MKNK2: variants seen among roughly 807,000 people sequenced by gnomAD.
MKNK2 encodes the protein MAPK interacting serine/threonine kinase 2.
In MKNK2, 54 loss-of-function variants were observed where a neutral mutation model predicts 55.0. The observed-to-expected ratio is 0.98, with a 90% CI of 0.79 to 1.23. The LOEUF (loss-of-function observed/expected upper bound fraction) is 1.23. Ranked by LOEUF, MKNK2 falls within the 50% of genes most tolerant of loss-of-function variation. The pLI, the probability that MKNK2 is intolerant of heterozygous loss-of-function variation, is 0.00. For missense variants in MKNK2, 685 were observed against 632.1 expected (o/e 1.08, Z -0.90); for synonymous variants, 323 against 256.0 (o/e 1.26, Z -2.50).
chr19:2,037,716 G>C lies in MKNK2; in HGVS notation c.*1897C>G. The C allele has an allele frequency of 6.5e-7, 1 of 1,538,408 alleles. No individual in the cohort carries two copies. Among genetic ancestry groups the C allele is most frequent in the Non-Finnish European group, 8.8e-7 (1 of 1,131,752 alleles). On this transcript the variant is annotated 3_prime_UTR_variant, in exon 14 of 14. Coordinates refer to ENST00000250896, the MANE Select transcript of MKNK2 (RefSeq NM_199054.3). ...TCCCCCAGCGATGGGAGCTGGCCTG[G>C]GGCCCAGGGTCCTCCAGGATCTTCA...
Position 2,047,014 on chromosome 19 carries a change from GGTCT to G in MKNK2, c.52-327_52-324del, listed in dbSNP as rs1281065634. Among the ~76,000 whole-genome samples the G allele has an allele frequency of 3.3e-5, 5 of 152,270 alleles. No homozygotes were observed. In the East Asian group the frequency reaches 9.6e-4, roughly 29 times the overall value. Reference sequence around the variant, plus strand: ...AAAGTCTTGCTACGTTGCCCAGGCTGGTCTTAAACCCCTGGCCTCAAGCGATCCT... The same window carrying G: ...AAAGTCTTGCTACGTTGCCCAGGCTGTAAACCCCTGGCCTCAAGCGATCCT... On this transcript the variant is annotated intron_variant, in intron 2 of 13. Coordinates refer to ENST00000250896, the MANE Select transcript of MKNK2 (RefSeq NM_199054.3).
At chr19:2,040,566 G>C (rs1292950911) in intron 12 of MKNK2, 1 of 291,146 alleles carries the variant, frequency 3.4e-6, no homozygotes, top group Non-Finnish European at 6.5e-6. Context: ...TGGGGACACA[G>C]AGTGACCCCA....
intron 12 of MKNK2, 106 bp downstream of exon 12, chr19:2,040,934 C>T: frequency 9.2e-7 from 1 of 1,087,748 alleles, no homozygotes; most frequent in Non-Finnish European, 1.4e-6. Context: ...AGCCTCAGTG[C>T]ATCTCAGGGT....
rs2016820176 is a variant in MKNK2 at position 2,039,245 on chromosome 19, G to A, written c.*368C>T. 1 of 1,104,300 alleles carries A rather than the reference G, an allele frequency of 9.1e-7. No individual in the cohort carries two copies. Among genetic ancestry groups the A allele is most frequent in the East Asian group, 5.2e-5 (1 of 19,316 alleles). The allele number at this position is 1,104,300 out of a possible 1,614,324, so 68.4% of individuals were successfully genotyped here. A position where few individuals can be genotyped will look rare whatever the true frequency, so the allele number is the denominator to read the frequency against. On this transcript the variant is annotated 3_prime_UTR_variant, in exon 14 of 14. Coordinates refer to ENST00000250896, the MANE Select transcript of MKNK2 (RefSeq NM_199054.3). ...AAACGCTGTGGGCCTGCTCTCCTGA[G>A]TCACTGCAAGCCACGTGGGCAGATG...
chr19:2,048,638 C>A (rs2017049185), intron 2 of MKNK2, among the ~76,000 whole-genome samples: 1 of 152,144 alleles, frequency 6.6e-6, no homozygotes, highest in Admixed American at 6.5e-5. Context: ...AGAAGTGAGA[C>A]TCCAGTGGAG....
intron 2 of MKNK2, among the ~76,000 whole-genome samples, chr19:2,050,505 G>A (rs1464999670): frequency 6.6e-6 from 1 of 152,228 alleles, no homozygotes; most frequent in East Asian, 1.9e-4. Context: ...GGGGCTTGCA[G>A]GGGACACACA....
At chr19:2,041,669 G>A (rs1173454498) in intron 11 of MKNK2, among the ~76,000 whole-genome samples, 171 bp downstream of exon 11, 3 of 151,936 alleles carry the variant, frequency 2.0e-5, no homozygotes, top group Non-Finnish European at 4.4e-5. Context: ...GTAGGTCCCC[G>A]GGGGTCTGGG....
intron 12 of MKNK2, 158 bp from the exon 13 acceptor site, chr19:2,040,335 C>T: frequency 3.2e-6 from 2 of 623,454 alleles, no homozygotes; most frequent in South Asian, 4.1e-5. Flanking sequence ...CAAGCGCCCA[C>T]CCCGAGGTCC....
intron 12 of MKNK2, chr19:2,040,731 G>C (rs1194523316): frequency 2.3e-6 from 1 of 433,338 alleles, no homozygotes; most frequent in African/African-American, 2.0e-5. Context: ...GCTAGGCTGG[G>C]GTCTATGTGA....
Position 2,038,008 on chromosome 19 carries a change from G to C in MKNK2, c.*1605C>G. On this transcript the variant is annotated 3_prime_UTR_variant, in exon 14 of 14. Transcript: ENST00000250896. Reference sequence around the variant, plus strand: ...CACTGACAGGCGAGAAGTGATGGGGGAAAGGGGTGGGCGGAATGCCCCACC... The same window carrying C: ...CACTGACAGGCGAGAAGTGATGGGGCAAAGGGGTGGGCGGAATGCCCCACC... The C allele has an allele frequency of 7.4e-7, 1 of 1,350,616 alleles. No individual in the cohort carries two copies. The highest frequency in any genetic ancestry group is 2.7e-5 in the East Asian group (1 of 37,348). 83.7% of individuals were successfully genotyped at this position (1,350,616 alleles called of 1,614,324 possible).
Position 2,038,317 on chromosome 19 carries a change from G to C in MKNK2, c.*1296C>G. The C allele has an allele frequency of 2.0e-6, 2 of 986,794 alleles. No individual in the cohort carries two copies. The highest frequency in any genetic ancestry group is 2.4e-6 in the Non-Finnish European group (2 of 830,556). 61.1% of individuals were successfully genotyped at this position (986,794 alleles called of 1,614,324 possible). A position where few individuals can be genotyped will look rare whatever the true frequency, so the allele number is the denominator to read the frequency against. ...CCCGACCGCGGATTTAGAAGCCAGA[G>C]GGGCTGCCCCAGCTGTGGAGCTCGG... On this transcript the variant is annotated 3_prime_UTR_variant, in exon 14 of 14. Coordinates refer to ENST00000250896, the MANE Select transcript of MKNK2 (RefSeq NM_199054.3).
chr19:2,042,874 G>A lies in MKNK2; in HGVS notation c.494-4C>T, dbSNP rs2016922150. The stretch of plus-strand genomic sequence containing the variant: ...TGGATGTGGCTCAGGATGGAGCCTG[G>A]GCAGGGCAGGGCAGGGCAGGACAGG... On this transcript the variant is annotated splice_polypyrimidine_tract_variant and splice_region_variant and intron_variant, in intron 7 of 13. Coordinates refer to ENST00000250896, the MANE Select transcript of MKNK2 (RefSeq NM_199054.3). 2 of 1,555,290 alleles carry A rather than the reference G, an allele frequency of 1.3e-6. No individual in the cohort carries two copies. Among genetic ancestry groups the A allele is most frequent in the Admixed American group, 1.9e-5 (1 of 51,994 alleles).
chr19:2,049,690 C>G (rs148941911), intron 2 of MKNK2, among the ~76,000 whole-genome samples: 1 of 152,326 alleles, frequency 6.6e-6, no homozygotes, highest in East Asian at 1.9e-4. Context: ...ATGCCTGGCC[C>G]TAGGAGGGAG....
chr19:2,038,029 C>T lies in MKNK2; in HGVS notation c.*1584G>A, dbSNP rs2016789864. The T allele has an allele frequency of 2.3e-6, 3 of 1,316,906 alleles. No individual in the cohort carries two copies. The highest frequency in any genetic ancestry group is 2.9e-6 in the Non-Finnish European group (3 of 1,024,444). The allele number at this position is 1,316,906 out of a possible 1,614,324, so 81.6% of individuals were successfully genotyped here. On this transcript the variant is annotated 3_prime_UTR_variant, in exon 14 of 14. Coordinates refer to ENST00000250896, the MANE Select transcript of MKNK2 (RefSeq NM_199054.3). ...GGGGGAAAGGGGTGGGCGGAATGCC[C>T]CACCCCCCCCAGGGGTCTTTGGAAG...
intron 2 of MKNK2, among the ~76,000 whole-genome samples, chr19:2,050,478 C>T (rs1184055155): frequency 1.3e-5 from 2 of 152,240 alleles, no homozygotes; most frequent in African/African-American, 2.4e-5. Context: ...TGCTGACCCC[C>T]CAGAACATAC....
At chr19:2,041,588 C>T (rs924084449) in intron 11 of MKNK2, among the ~76,000 whole-genome samples, 14 of 152,218 alleles carry the variant, frequency 9.2e-5, no homozygotes, top group South Asian at 8.3e-4. Context: ...GACAGGGCGG[C>T]ACTGCCCTGT....
Position 2,039,505 on chromosome 19 carries a change from C to G in MKNK2, c.*108G>C. The G allele has an allele frequency of 6.9e-7, 1 of 1,450,910 alleles. No individual in the cohort carries two copies. 89.9% of individuals were successfully genotyped at this position (1,450,910 alleles called of 1,614,324 possible). On this transcript the variant is annotated 3_prime_UTR_variant, in exon 14 of 14. Transcript: ENST00000250896. ...TCAGCTGAGCTTAGTGCCTGGGAAT[C>G]CAGGCAGAGGAGGGGCAGCCCGCTG...
rs2016993950 is a variant in MKNK2, at chr19:2,046,244, G to T, written c.281C>A (p.Ala94Asp). ...GATGCAGGTCTGCACTCGGGCATGA[G>T]CGCCCTCCCCCAGCACATCTTCCTG... The part of the protein sequence containing the change: ...QLQEDVLGEG[A>D]HARVQTCINL... Residue 94 changes from alanine (A) to aspartate (D), a missense_variant, in exon 5 of 14, where the codon GCT (alanine) becomes GAT (aspartate). By Grantham distance (126) the Ala-to-Asp change is moderately radical. Coordinates refer to ENST00000250896, the MANE Select transcript of MKNK2 (RefSeq NM_199054.3). 3 of 1,606,374 alleles carry T rather than the reference G, an allele frequency of 1.9e-6. No homozygotes were observed. Among genetic ancestry groups the T allele is most frequent in the Non-Finnish European group, 2.5e-6 (3 of 1,179,938 alleles).
At position 2,041,157 on chromosome 19, in the gene MKNK2, G is replaced by C; in HGVS notation, c.993C>G (p.Asp331Glu). ...CGCAGGAGATGTGGGCCCAGTCCTT[G>C]TCGGGGAACTCGTACTTGCCCTCCT... Reference protein sequence around the residue: ...SIQEGKYEFPDKDWAHISCAA... With the variant: ...SIQEGKYEFPEKDWAHISCAA... Residue 331 changes from aspartate to glutamate, a missense_variant, in exon 12 of 14, where the codon GAC (aspartate) becomes GAG (glutamate). Physicochemically the swap from Asp to Glu is conservative, Grantham distance 45 (BLOSUM62 2). Transcript: ENST00000250896. 1 of 1,614,014 alleles carries C rather than the reference G, an allele frequency of 6.2e-7. No individual in the cohort carries two copies. Among genetic ancestry groups the C allele is most frequent in the East Asian group, 2.2e-5 (1 of 44,862 alleles).
Sources: gnomAD v4.1 joint callset for allele counts (sites outside exome capture counted in the v4.1 genomes callset) on GRCh38, gnomAD v4.1.1 for gene constraint, MANE v1.5 for transcripts, NCBI Gene and HGNC (gene_info 2026-07-23, HGNC 2026-07-21) for gene names.